Variants in IFI27 observed in about 807,000 individuals in gnomAD.
The protein encoded by IFI27 is interferon alpha-inducible protein 27, mitochondrial.
Under a neutral mutation model 8.9 loss-of-function variants are expected in IFI27, and 3 were observed. That is an observed-to-expected ratio of 0.34 (90% confidence interval 0.15 to 0.87). The LOEUF is 0.87. Among genes scored for constraint, IFI27 ranks in the 40% least tolerant of loss-of-function variants. IFI27 has a pLI of 0.51. For synonymous variants in IFI27, 66 were observed against 67.3 expected (o/e 0.98, Z 0.09); for missense variants, 152 against 157.7 (o/e 0.96, Z 0.19).
At chr14:94,107,180 C>T (rs572226532), upstream of IFI27, among the ~76,000 whole-genome samples, 13 of 152,250 alleles carry the variant, frequency 8.5e-5, no homozygotes, top group African/African-American at 3.1e-4. Flanking sequence ...AGCAATTCTC[C>T]TGCTTCAGCC....
chr14:94,107,407 TGTTGA>T (rs984401229), upstream of IFI27, among the ~76,000 whole-genome samples: 16 of 152,196 alleles, frequency 1.1e-4, no homozygotes, highest in African/African-American at 3.9e-4. Context: ...GATTTTTTGT[TGTTGA>T]GTTGTAGCAT....
intron 2 of IFI27, chr14:94,112,266 C>T (rs1365197685): frequency 2.5e-5 from 4 of 162,866 alleles, no homozygotes; most frequent in Non-Finnish European, 4.0e-5. Context: ...TTTTCACCCT[C>T]GATTCCCCTC....
At position 94,115,968 on chromosome 14, in the gene IFI27, G is replaced by A. The variant is rs775248797; in HGVS notation, c.283+26G>A. 15 of 1,554,858 alleles carry A rather than the reference G, an allele frequency of 9.6e-6. No individual in the cohort carries two copies. In the South Asian group the frequency reaches 1.8e-4, roughly 18 times the overall value. ...GTAAGTATCCTGGCGGGGCTTGCTG[G>A]GGAGGGCGATGAGGAGGGCAAGAGC... On this transcript the variant is annotated intron_variant, in intron 4 of 4. Coordinates refer to ENST00000621160, the Ensembl canonical transcript of IFI27.
chr14:94,116,652 C>A lies in IFI27; in HGVS notation c.*125C>A. On this transcript the variant is annotated 3_prime_UTR_variant, in exon 5 of 5. Transcript: ENST00000621160. This position sits in a 1 kb window ranked among gnomAD's most constrained non-coding sequence, Gnocchi z 4.3. ...GGGTGAAATATACCAAATTCTGCAT[C>A]TCCAGAGGAAAATAAGAAATAAAGA... The A allele has an allele frequency of 1.5e-6, 1 of 679,914 alleles. No homozygotes were observed. The highest frequency in any genetic ancestry group is 2.6e-6 in the Non-Finnish European group (1 of 380,260). The allele number at this position is 679,914 out of a possible 1,614,324, so 42.1% of individuals were successfully genotyped here. A position where few individuals can be genotyped will look rare whatever the true frequency, so the allele number is the denominator to read the frequency against.
chr14:94,107,998 T>C (rs1887035965), upstream of IFI27, among the ~76,000 whole-genome samples: 1 of 152,126 alleles, frequency 6.6e-6, no homozygotes, highest in Non-Finnish European at 1.5e-5. Context: ...CCAGCCCCCT[T>C]CCCCCAACAG....
At chr14:94,112,659 C>T (rs1887235931) in intron 2 of IFI27, among the ~76,000 whole-genome samples, 1 of 152,266 alleles carries the variant, frequency 6.6e-6, no homozygotes, top group South Asian at 2.1e-4. Context: ...AACCTCTAAC[C>T]TCTGTTTGAG....
At chr14:94,108,060 C>T (rs1438646192), upstream of IFI27, among the ~76,000 whole-genome samples, 1 of 152,196 alleles carries the variant, frequency 6.6e-6, no homozygotes, top group African/African-American at 2.4e-5. Flanking sequence ...CATTGTTCAA[C>T]TCCCACTTAT....
At chr14:94,110,204 A>G (rs1887122961), upstream of IFI27, among the ~76,000 whole-genome samples, 1 of 152,140 alleles carries the variant, frequency 6.6e-6, no homozygotes, top group Non-Finnish European at 1.5e-5. Flanking sequence ...CGCTTCATCA[A>G]ATAACATTCT....
upstream of IFI27, among the ~76,000 whole-genome samples, chr14:94,109,758 T>G (rs990820414): frequency 6.6e-6 from 1 of 152,250 alleles, no homozygotes; most frequent in Non-Finnish European, 1.5e-5. Context: ...TGGCTCTGTC[T>G]GCTGAGGTTT....
At chr14:94,107,868 T>C (rs1887034450), upstream of IFI27, among the ~76,000 whole-genome samples, 1 of 152,206 alleles carries the variant, frequency 6.6e-6, no homozygotes, top group South Asian at 2.1e-4. Flanking sequence ...ACTTTTAAGT[T>C]CTAGGGTACA....
chr14:94,108,287 C>T (rs139439990), upstream of IFI27, among the ~76,000 whole-genome samples: 64 of 152,226 alleles, frequency 4.2e-4, no homozygotes, highest in African/African-American at 1.3e-3. Context: ...TGAATAGTGC[C>T]GCAATAAACA....
chr14:94,113,374 T>C (rs1385331039), intron 2 of IFI27: 1 of 152,202 alleles, frequency 6.6e-6, no homozygotes, highest in East Asian at 1.9e-4. Context: ...TGGTGGTGCA[T>C]GCCTGTAATC....
exon 4 of IFI27, chr14:94,115,892 A>G (rs1887384579): frequency 1.3e-6 from 2 of 1,598,466 alleles, no homozygotes; most frequent in Middle Eastern, 3.3e-4. Flanking sequence ...GCCATTGCCA[A>G]TGGGGGTGGA....
chr14:94,110,105 C>A (rs111491063), upstream of IFI27, among the ~76,000 whole-genome samples: 3,506 of 152,336 alleles, frequency 0.023, 153 homozygotes, highest in African/African-American at 0.079. Context: ...TCCTGCCACA[C>A]GGGCTCTGCC....
At chr14:94,110,638 C>T (rs899954366), upstream of IFI27, 2 of 152,124 alleles carry the variant, frequency 1.3e-5, no homozygotes, top group Non-Finnish European at 2.9e-5. Context: ...TTTCGGTTTC[C>T]TGGAAAATGA....
intron 3 of IFI27, 92 bp from the exon 4 acceptor site, chr14:94,115,689 T>G (rs1394385205): frequency 7.5e-7 from 1 of 1,334,008 alleles, no homozygotes; most frequent in African/African-American, 1.5e-5. Flanking sequence ...CACCTCTTTC[T>G]CCAGATCCCC....
At chr14:94,109,363 C>T (rs991452906), upstream of IFI27, among the ~76,000 whole-genome samples, 3 of 141,332 alleles carry the variant, frequency 2.1e-5, no homozygotes, top group Non-Finnish European at 4.6e-5. Flanking sequence ...CAGGGAAGGG[C>T]AGAGAAGGGC....
chr14:94,114,544 A>G, intron 2 of IFI27: 1 of 434,516 alleles, frequency 2.3e-6, no homozygotes. Context: ...TTTGAGCTAA[A>G]CCTGCCTTGG....
At position 94,116,467 on chromosome 14, in the gene IFI27, C is replaced by T; in HGVS notation, c.309C>T (p.Thr103=). Residue 103 remains threonine (T), a synonymous_variant, in exon 5 of 5, where the codon ACC becomes ACT. Coordinates refer to ENST00000621160, the Ensembl canonical transcript of IFI27. The surrounding 1 kb of genome is among the most constrained non-coding windows in gnomAD (Gnocchi z 4.3). ...GAGCAACTGGACTCTCCGGATTGAC[C>T]AAGTTCATCCTGGGCTCCATTGGGT... 6.2e-7 allele frequency: 1 copy of T among 1,613,360 alleles called. No homozygotes were observed. Among genetic ancestry groups the T allele is most frequent in the Non-Finnish European group, 8.5e-7 (1 of 1,179,726 alleles).
Sources: allele counts gnomAD v4.1 joint callset (sites outside exome capture counted in the v4.1 genomes callset), GRCh38; gene constraint gnomAD v4.1.1; non-coding constraint Gnocchi (gnomAD v3.1); transcripts MANE v1.5; gene names NCBI Gene and HGNC (gene_info 2026-07-23, HGNC 2026-07-21).